The following DCC variants were observed in gnomAD, a reference collection of about 807,000 sequenced individuals.
DCC encodes DCC netrin 1 receptor.
DCC carries 58 observed loss-of-function variants against 172.5 expected under a neutral mutation model. The observed-to-expected ratio is 0.34, with a 90% CI of 0.27 to 0.42. The LOEUF (loss-of-function observed/expected upper bound fraction) is 0.42. DCC is among the 10% of genes least tolerant of loss of function. The pLI, the probability that DCC is intolerant of heterozygous loss-of-function variation, is 1.00. For missense variants in DCC, 1,740 were observed against 1,791.0 expected (o/e 0.97, Z 0.51); for synonymous variants, 709 against 644.5 (o/e 1.10, Z -1.52).
chr18:53,285,918 G>A lies in DCC; in HGVS notation c.1912-19660G>A, dbSNP rs545944885. ...AGATTTGACTGCACCTCTGGATTTC[G>A]AACTTGCATGGGGCCTGTAGCCCCT... On this transcript the variant is annotated intron_variant, in intron 12 of 28. Transcript: ENST00000442544. 4.8e-4 allele frequency among the ~76,000 whole-genome samples: 73 copies of A among 152,304 alleles called. No homozygotes were observed. The Middle Eastern group carries it at 0.01, about 21-fold the overall frequency.
intron 25 of DCC, among the ~76,000 whole-genome samples, chr18:53,485,126 A>T (rs1039381911): frequency 1.3e-5 from 2 of 152,096 alleles, no homozygotes; most frequent in African/African-American, 4.8e-5. Context: ...TTTTTGTTAA[A>T]TAAGTACATT....
chr18:52,707,055 A>T (rs1390258200), intron 1 of DCC, among the ~76,000 whole-genome samples: 1 of 152,222 alleles, frequency 6.6e-6, no homozygotes, highest in African/African-American at 2.4e-5. Flanking sequence ...GGCACAAAAC[A>T]GAGAAAGTAA....
At chr18:52,962,473 G>A (rs1460223021) in intron 5 of DCC, among the ~76,000 whole-genome samples, 5 of 151,462 alleles carry the variant, frequency 3.3e-5, no homozygotes, top group Admixed American at 6.6e-5. Context: ...TGGAGAGGAT[G>A]TGGAGAAATA....
intron 1 of DCC, among the ~76,000 whole-genome samples, chr18:52,610,677 C>T (rs1176360921): frequency 1.3e-5 from 2 of 151,996 alleles, no homozygotes. Context: ...TGAGTCATGC[C>T]GCTTTGGTGA....
chr18:52,679,332 A>G (rs1380651), intron 1 of DCC, among the ~76,000 whole-genome samples: 150,820 of 152,160 alleles, frequency 0.99, 74,760 homozygotes, highest in East Asian at 1. Flanking sequence ...GAAATCACAT[A>G]CAGATCAGCT....
At chr18:53,231,827 G>A (rs1215657609) in intron 12 of DCC, among the ~76,000 whole-genome samples, 1 of 151,986 alleles carries the variant, frequency 6.6e-6, no homozygotes, top group African/African-American at 2.4e-5. Context: ...CAGAAAAACA[G>A]AATCACCAAA....
intron 7 of DCC, among the ~76,000 whole-genome samples, chr18:53,137,410 T>G (rs2144338197): frequency 6.6e-6 from 1 of 152,344 alleles, no homozygotes; most frequent in Non-Finnish European, 1.5e-5. Context: ...TCAGCGTTCC[T>G]GGCCATGTAG....
intron 12 of DCC, among the ~76,000 whole-genome samples, chr18:53,281,122 T>C (rs529522066): frequency 2.6e-5 from 4 of 152,280 alleles, no homozygotes; most frequent in Non-Finnish European, 5.9e-5. Flanking sequence ...GTTTTTTAAA[T>C]GTTTATAGCA....
intron 2 of DCC, among the ~76,000 whole-genome samples, chr18:52,833,336 C>G (rs2038649864): frequency 6.6e-6 from 1 of 152,110 alleles, no homozygotes; most frequent in African/African-American, 2.4e-5. Context: ...TTGTAGCCAG[C>G]TGTTTTGAAA....
intron 5 of DCC, among the ~76,000 whole-genome samples, chr18:52,985,611 G>A (rs980212240): frequency 2.0e-5 from 3 of 151,578 alleles, no homozygotes; most frequent in African/African-American, 7.3e-5. Flanking sequence ...TCAGTCACAG[G>A]GTATCTTTTA....
chr18:53,506,073 C>T lies in DCC; in HGVS notation c.4111+6563C>T, dbSNP rs565591921. Among the ~76,000 whole-genome samples the T allele has an allele frequency of 1.3e-4, 20 of 152,266 alleles. No homozygotes were observed. In the South Asian group the frequency reaches 4.1e-3, roughly 32 times the overall value. The stretch of plus-strand genomic sequence containing the variant: ...CTACCTGAGAAGTAACTTTGACCAG[C>T]ATTACCAATACAGAGGTCAATATTT... On this transcript the variant is annotated intron_variant, in intron 27 of 28. Coordinates refer to ENST00000442544, the MANE Select transcript of DCC (RefSeq NM_005215.4).
intron 1 of DCC, among the ~76,000 whole-genome samples, chr18:52,384,809 C>T (rs113103276): frequency 2.9e-4 from 44 of 152,220 alleles, no homozygotes; most frequent in African/African-American, 1.0e-3. Flanking sequence ...AATTAAACTA[C>T]TTCACTGCAT....
chr18:52,947,240 A>G (rs1271814915), intron 5 of DCC, among the ~76,000 whole-genome samples: 2 of 152,222 alleles, frequency 1.3e-5, no homozygotes, highest in Admixed American at 6.5e-5. Context: ...AACATCTTTA[A>G]TTTGTAAAAA....
chr18:53,305,437 A>G lies in DCC; in HGVS notation c.1912-141A>G, dbSNP rs1032988079. The G allele has an allele frequency of 3.9e-5, 27 of 688,746 alleles. 1 individual carries two copies. The highest frequency in any genetic ancestry group is 3.8e-4 in the African/African-American group (21 of 55,580). 42.7% of individuals were successfully genotyped at this position (688,746 alleles called of 1,614,324 possible). ...GAATGCTGTCAGATTATAAGAACGA[A>G]TTTAATTTGTCTCTAAGTGGCAATC... On this transcript the variant is annotated intron_variant, in intron 12 of 28. Coordinates refer to ENST00000442544, the MANE Select transcript of DCC (RefSeq NM_005215.4).
In DCC at chr18:52,824,204, T is replaced by C. The variant is rs58555728; in HGVS notation, c.412+71830T>C. On this transcript the variant is annotated intron_variant, in intron 2 of 28. Transcript: ENST00000442544. ...GTTTTCAATAAAGGGGAAAGTGATG[T>C]TTTTTTCTTCAACTTAGTTCCAGTA... 6.5e-3 allele frequency among the ~76,000 whole-genome samples: 994 copies of C among 152,270 alleles called. 15 individuals are homozygous for C. Among genetic ancestry groups the C allele is most frequent in the African/African-American group, 0.023 (944 of 41,552 alleles).
chr18:52,999,178 T>A (rs2041527774), intron 5 of DCC, among the ~76,000 whole-genome samples: 1 of 151,918 alleles, frequency 6.6e-6, no homozygotes, highest in Admixed American at 6.6e-5. Context: ...AAATAATTTG[T>A]TTTTTCTTCT....
Position 53,226,948 on chromosome 18 carries a change from A to ATATATATATTTTTTTTTTT in DCC, c.1911+11352_1911+11353insATATATATTTTTTTTTTTT. Among the ~76,000 whole-genome samples the ATATATATATTTTTTTTTTT allele has an allele frequency of 1.1e-3, 57 of 52,930 alleles. 2 individuals carry two copies. The highest frequency in any genetic ancestry group is 5.1e-3 in the African/African-American group (54 of 10,596). The allele number at this position is 52,930 out of a possible 152,430, so 34.7% of individuals were successfully genotyped here. ...TGTGTGTGTGTGTATATATATATAT[A>ATATATATATTTTTTTTTTT]TTTTTTTTTTTTTTTTTTTGAGGCA... On this transcript the variant is annotated intron_variant, in intron 12 of 28. Transcript: ENST00000442544.
At chr18:52,924,201 C>T (rs1254397728) in intron 4 of DCC, among the ~76,000 whole-genome samples, 3 of 151,658 alleles carry the variant, frequency 2.0e-5, no homozygotes, top group Non-Finnish European at 4.4e-5. Context: ...CCTTAATATT[C>T]TGTGTCACAC....
At chr18:52,683,444 C>G (rs956738307) in intron 1 of DCC, among the ~76,000 whole-genome samples, 2 of 151,944 alleles carry the variant, frequency 1.3e-5, no homozygotes, top group African/African-American at 4.8e-5. Context: ...ACGAAGGAAC[C>G]CACAATTCAG....
Sources: allele counts gnomAD v4.1 joint callset (sites outside exome capture counted in the v4.1 genomes callset), GRCh38; gene constraint gnomAD v4.1.1; transcripts MANE v1.5; gene names NCBI Gene and HGNC (gene_info 2026-07-23, HGNC 2026-07-21).